Variants in CWC27 observed in about 807,000 individuals in gnomAD.
CWC27 encodes the protein CWC27 spliceosome associated cyclophilin, also known as spliceosome-associated protein CWC27 homolog.
CWC27 carries 47 observed loss-of-function variants against 63.6 expected under a neutral mutation model. The ratio of observed to expected loss-of-function variants is 0.74; its 90% CI spans 0.58 to 0.94. The LOEUF is 0.94. Ranked by LOEUF, CWC27 falls within the 40% of genes least tolerant of loss-of-function variation. The pLI, the probability that CWC27 is intolerant of heterozygous loss-of-function variation, is 0.00. For synonymous variants in CWC27, 175 were observed against 179.8 expected, an observed-to-expected ratio of 0.97 and a Z score of 0.22; for missense variants, 495 against 554.3, an observed-to-expected ratio of 0.89 and a Z score of 1.07.
intron 11 of CWC27, among the ~76,000 whole-genome samples, chr5:64,896,957 A>G (rs890209635): frequency 5.3e-5 from 8 of 152,178 alleles, no homozygotes; most frequent in Non-Finnish European, 1.2e-4. Flanking sequence ...CATACCTGTA[A>G]TCCTAGCACT....
intron 10 of CWC27, among the ~76,000 whole-genome samples, chr5:64,818,837 T>G (rs549595601): frequency 3.9e-5 from 6 of 152,198 alleles, no homozygotes; most frequent in Non-Finnish European, 7.4e-5. Flanking sequence ...CATTCTCAGG[T>G]AGGATTTCTT....
chr5:64,771,374 T>C (rs1743249141), intron 1 of CWC27, among the ~76,000 whole-genome samples: 1 of 152,246 alleles, frequency 6.6e-6, no homozygotes, highest in Admixed American at 6.5e-5. Context: ...AAGAACTTAG[T>C]ATCAGCTTGG....
intron 11 of CWC27, among the ~76,000 whole-genome samples, chr5:64,958,172 AACTATATTAAGGAT>A (rs1748837742): frequency 6.6e-6 from 1 of 152,178 alleles, no homozygotes. Context: ...AGAGAGTTAA[AACTATATTAAGGAT>A]ACATTCCATT....
At chr5:64,962,834 C>T (rs1323933527) in intron 11 of CWC27, among the ~76,000 whole-genome samples, 1 of 152,152 alleles carries the variant, frequency 6.6e-6, no homozygotes, top group Non-Finnish European at 1.5e-5. Flanking sequence ...TGAAAATAAA[C>T]TCACAATAAA....
intron 11 of CWC27, among the ~76,000 whole-genome samples, chr5:64,965,327 G>A (rs1748992477): frequency 6.6e-6 from 1 of 152,100 alleles, no homozygotes; most frequent in South Asian, 2.1e-4. Context: ...ATAATCAGAG[G>A]ACAAAAAGTC....
At chr5:64,809,468 A>G (rs796459041) in intron 10 of CWC27, among the ~76,000 whole-genome samples, 2 of 152,184 alleles carry the variant, frequency 1.3e-5, no homozygotes, top group African/African-American at 4.8e-5. Flanking sequence ...CATGGGTTCA[A>G]GCGTTTCTCC....
chr5:64,899,071 A>G (rs373789040), intron 11 of CWC27, among the ~76,000 whole-genome samples: 1 of 152,214 alleles, frequency 6.6e-6, no homozygotes, highest in African/African-American at 2.4e-5. Flanking sequence ...CTAACTAAAT[A>G]TCAAGGATGG....
intron 13 of CWC27, among the ~76,000 whole-genome samples, chr5:65,003,739 C>T (rs1458469414): frequency 6.6e-6 from 1 of 152,090 alleles, no homozygotes; most frequent in African/African-American, 2.4e-5. Flanking sequence ...CTTTCCCTGC[C>T]TGTAACGTTG....
At position 64,777,278 on chromosome 5, in the gene CWC27, C is replaced by A. The variant is rs77210325; in HGVS notation, c.139+2491C>A. Reference sequence around the variant, plus strand: ...ATTCTTTAATAATAGTTTACTAATTCTTTAGAGTGACAAATATAAGCATAA... The same window carrying A: ...ATTCTTTAATAATAGTTTACTAATTATTTAGAGTGACAAATATAAGCATAA... On this transcript the variant is annotated intron_variant, in intron 2 of 13. Transcript: ENST00000381070. Among the ~76,000 whole-genome samples, 1,165 of 151,988 alleles carry A rather than the reference C, an allele frequency of 7.7e-3. 11 individuals carry two copies. The highest frequency in any genetic ancestry group is 0.015 in the African/African-American group (625 of 41,504).
chr5:64,813,753 C>G (rs546633059), intron 10 of CWC27, among the ~76,000 whole-genome samples: 99 of 152,206 alleles, frequency 6.5e-4, no homozygotes, highest in African/African-American at 2.1e-3. Context: ...GCTTTCTGGC[C>G]TTTTTAGGCC....
Position 64,814,160 on chromosome 5 carries a change from G to A in CWC27, c.938+9774G>A, listed in dbSNP as rs144960002. On this transcript the variant is annotated intron_variant, in intron 10 of 13. Coordinates refer to ENST00000381070, the MANE Select transcript of CWC27 (RefSeq NM_005869.4). ...CCCCAAGACAACTCTTCTTCTTCCAGTGTGGCCCAGGGAAGCCTAAAGATT... is the reference window on the plus strand; with the variant it reads ...CCCCAAGACAACTCTTCTTCTTCCAATGTGGCCCAGGGAAGCCTAAAGATT... 3.8e-3 allele frequency among the ~76,000 whole-genome samples: 579 copies of A among 151,442 alleles called. 3 individuals are homozygous for A. The highest frequency in any genetic ancestry group is 0.012 in the African/African-American group (501 of 41,200).
intron 10 of CWC27, 171 bp downstream of exon 10, chr5:64,804,557 A>C (rs1481919434): frequency 1.8e-6 from 1 of 564,254 alleles, no homozygotes; most frequent in Non-Finnish European, 3.0e-6. Context: ...AAATACACCA[A>C]GCTTAAAGTA....
At chr5:64,803,234 T>C (rs979426383) in intron 9 of CWC27, among the ~76,000 whole-genome samples, 4 of 152,140 alleles carry the variant, frequency 2.6e-5, no homozygotes, top group Admixed American at 6.6e-5. Context: ...TCACTACGAC[T>C]CACCAGATCA....
At chr5:64,953,050 T>G (rs1246804993) in intron 11 of CWC27, among the ~76,000 whole-genome samples, 1 of 152,128 alleles carries the variant, frequency 6.6e-6, no homozygotes, top group African/African-American at 2.4e-5. Context: ...AGAATAATTA[T>G]GTTTATTCTC....
intron 10 of CWC27, among the ~76,000 whole-genome samples, chr5:64,884,550 T>A (rs572830288): frequency 6.6e-6 from 1 of 152,340 alleles, no homozygotes; most frequent in Admixed American, 6.5e-5. Context: ...GGCTTTAATA[T>A]CTTTGATAAA....
intron 11 of CWC27, among the ~76,000 whole-genome samples, chr5:64,948,985 T>C (rs1207842716): frequency 6.6e-6 from 1 of 151,928 alleles, no homozygotes; most frequent in Non-Finnish European, 1.5e-5. Flanking sequence ...GATCAGAAAA[T>C]AGTTTAACTT....
chr5:64,889,783 G>A (rs1454669735), intron 11 of CWC27, among the ~76,000 whole-genome samples: 1 of 152,164 alleles, frequency 6.6e-6, no homozygotes. Context: ...CAAAAGAGAT[G>A]TACTGCAGGA....
chr5:64,800,339 G>A lies in CWC27; in HGVS notation c.749+12G>A, dbSNP rs186642683. 8 of 1,579,754 alleles carry A rather than the reference G, an allele frequency of 5.1e-6. No homozygotes were observed. Among genetic ancestry groups the A allele is most frequent in the South Asian group, 1.1e-5 (1 of 89,120 alleles). ...CCAGTTGTAGAAAGGTTAGTCCATT[G>A]TTGGTATGATCCTAAGTTCTTAATT... On this transcript the variant is annotated intron_variant, in intron 8 of 13. Coordinates refer to ENST00000381070, the MANE Select transcript of CWC27 (RefSeq NM_005869.4).
Position 65,018,418 on chromosome 5 carries a change from G to T in CWC27, c.*97G>T. The T allele has an allele frequency of 1.9e-6, 2 of 1,072,766 alleles. No individual in the cohort carries two copies. The highest frequency in any genetic ancestry group is 2.6e-6 in the Non-Finnish European group (2 of 776,076). The allele number at this position is 1,072,766 out of a possible 1,614,324, so 66.5% of individuals were successfully genotyped here. A position where few individuals can be genotyped will look rare whatever the true frequency, so the allele number is the denominator to read the frequency against. On this transcript the variant is annotated 3_prime_UTR_variant, in exon 14 of 14. Transcript: ENST00000381070. Reference sequence around the variant, plus strand: ...ACAGCATCACTTAGGGGTGTGAAAAGAAGTATTTTTGAACCTGTTGTCTGG... The same window carrying T: ...ACAGCATCACTTAGGGGTGTGAAAATAAGTATTTTTGAACCTGTTGTCTGG...
Sources: gnomAD v4.1 joint callset for allele counts (sites outside exome capture counted in the v4.1 genomes callset) on GRCh38, gnomAD v4.1.1 for gene constraint, MANE v1.5 for transcripts, NCBI Gene and HGNC (gene_info 2026-07-23, HGNC 2026-07-21) for gene names.